PIGN: variants seen among roughly 807,000 people sequenced by gnomAD.
PIGN encodes the protein GPI ethanolamine phosphate transferase 1.
A neutral mutation model predicts 125.4 loss-of-function variants in PIGN; 117 were observed. The ratio of observed to expected loss-of-function variants is 0.93; its 90% CI spans 0.80 to 1.09. PIGN has a LOEUF of 1.09. Ranked by LOEUF, PIGN falls within the 50% of genes least tolerant of loss-of-function variation. The probability of loss-of-function intolerance (pLI) is 0.00; values close to 1 mark genes in which losing one functional copy is unlikely to be tolerated. For missense variants in PIGN, 1,075 were observed against 1,094.9 expected, an observed-to-expected ratio of 0.98 and a Z score of 0.26; for synonymous variants, 392 against 377.8, an observed-to-expected ratio of 1.04 and a Z score of -0.44.
chr18:62,051,006 T>C (rs2031235009), intron 30 of PIGN, among the ~76,000 whole-genome samples: 1 of 151,046 alleles, frequency 6.6e-6, no homozygotes, highest in South Asian at 2.1e-4. Flanking sequence ...ATTACATTTA[T>C]TGATTTGTGT....
intron 17 of PIGN, among the ~76,000 whole-genome samples, chr18:62,109,391 A>T (rs1326715163): frequency 6.6e-6 from 1 of 151,700 alleles, no homozygotes; most frequent in Non-Finnish European, 1.5e-5. Flanking sequence ...AGTTTAATTT[A>T]TCTAGATCTA....
chr18:62,172,111 C>T (rs2037363641), intron 1 of PIGN, among the ~76,000 whole-genome samples: 1 of 152,090 alleles, frequency 6.6e-6, no homozygotes, highest in South Asian at 2.1e-4. Flanking sequence ...AACCATATAT[C>T]CAATGTCTTC....
In PIGN at chr18:62,125,134, G is replaced by A. The variant is rs189145900; in HGVS notation, c.1173-10495C>T. Among the ~76,000 whole-genome samples, 21 of 66,322 alleles carry A rather than the reference G, an allele frequency of 3.2e-4. 2 individuals carry two copies. The highest frequency in any genetic ancestry group is 0.022 in the Middle Eastern group (2 of 90). 43.5% of individuals were successfully genotyped at this position (66,322 alleles called of 152,430 possible). On this transcript the variant is annotated intron_variant, in intron 14 of 30. Coordinates refer to ENST00000640252, the MANE Select transcript of PIGN (RefSeq NM_176787.5). The stretch of plus-strand genomic sequence containing the variant: ...TACATATGTGTATATAAATATACAC[G>A]TTTGTACATATGTGTATATACATGT...
intron 1 of PIGN, chr18:62,184,767 T>G (rs2037837489): frequency 6.6e-6 from 1 of 152,226 alleles, no homozygotes; most frequent in South Asian, 2.1e-4. Context: ...TTTTTCAGGC[T>G]TGCACTGCCA....
chr18:62,169,766 G>C (rs1234182416), intron 1 of PIGN, among the ~76,000 whole-genome samples: 11 of 152,196 alleles, frequency 7.2e-5, no homozygotes, highest in African/African-American at 2.6e-4. Context: ...GACCACAGGT[G>C]AGAGCCAGCA....
At chr18:62,076,455 T>C (rs2033176826) in intron 28 of PIGN, among the ~76,000 whole-genome samples, 1 of 152,146 alleles carries the variant, frequency 6.6e-6, no homozygotes, top group Non-Finnish European at 1.5e-5. Context: ...ACCTATGTTC[T>C]CTTCCTCTTA....
chr18:62,150,189 G>A (rs572418375), intron 7 of PIGN, among the ~76,000 whole-genome samples: 225 of 152,252 alleles, frequency 1.5e-3, no homozygotes, highest in Non-Finnish European at 2.5e-3. Flanking sequence ...TCACCATGTT[G>A]GCTAGGCTGG....
chr18:62,087,106 AGTG>A (rs1480552801), intron 25 of PIGN, among the ~76,000 whole-genome samples: 2 of 152,210 alleles, frequency 1.3e-5, no homozygotes, highest in African/African-American at 4.8e-5. Context: ...TTTGCATAGA[AGTG>A]TCTACCAAAG....
chr18:62,054,527 T>C (rs1405234477), intron 30 of PIGN, among the ~76,000 whole-genome samples: 2 of 147,718 alleles, frequency 1.4e-5, no homozygotes, highest in Admixed American at 1.4e-4. Context: ...GGTCTTGCTC[T>C]GTCACCCAGG....
intron 16 of PIGN, 95 bp from the exon 17 acceptor site, chr18:62,110,068 T>G (rs2146509861): frequency 8.7e-7 from 1 of 1,150,898 alleles, no homozygotes; most frequent in Non-Finnish European, 1.3e-6. Flanking sequence ...ACCTATTACT[T>G]TCTTTCAATG....
chr18:62,085,413 C>T (rs1255873742), intron 25 of PIGN, 149 bp from the exon 26 acceptor site: 2 of 643,642 alleles, frequency 3.1e-6, no homozygotes, highest in African/African-American at 1.8e-5. Flanking sequence ...CATTATAACT[C>T]CTTGTGAATG....
In PIGN at chr18:62,088,764, A is replaced by G. The variant is rs868633067; in HGVS notation, c.2362T>C (p.Phe788Leu). 2 of 1,543,174 alleles carry G rather than the reference A, an allele frequency of 1.3e-6. No individual in the cohort carries two copies. The highest frequency in any genetic ancestry group is 1.8e-6 in the Non-Finnish European group (2 of 1,134,442). The change falls in exon 25 of 31, where the codon TTT becomes CTT. Residue 788 changes from phenylalanine to leucine, a missense_variant. Physicochemically the swap from Phe to Leu is conservative, Grantham distance 22. This residue lies in a region of PIGN where 915 missense variants were observed against 908.7 expected (regional missense o/e 1.01). Coordinates refer to ENST00000640252, the MANE Select transcript of PIGN (RefSeq NM_176787.5). ...GTCTCCACAAAGGATACAAGGAAAA[A>G]GGCCCTACGGATGTCATCCAGATAT... ...QLYLDDIRRA[F>L]FLVFFLVTAF...
At chr18:62,025,333 C>G (rs989102274) in intron 23 of PIGN, among the ~76,000 whole-genome samples, 2 of 152,174 alleles carry the variant, frequency 1.3e-5, no homozygotes, top group African/African-American at 2.4e-5. Context: ...TAGTTCTTCA[C>G]TGAGACAGTT....
intron 30 of PIGN, among the ~76,000 whole-genome samples, chr18:62,064,551 C>A (rs1009032875): frequency 1.1e-4 from 16 of 152,170 alleles, no homozygotes; most frequent in Non-Finnish European, 1.5e-5. Flanking sequence ...CCTAGCTATG[C>A]CACATTATTG....
chr18:62,100,829 G>A (rs1365965184), intron 22 of PIGN, among the ~76,000 whole-genome samples: 2 of 152,130 alleles, frequency 1.3e-5, no homozygotes, highest in Admixed American at 6.5e-5. Flanking sequence ...CTTATGAGAT[G>A]TTAATAAATA....
chr18:62,065,652 T>C (rs1333803780), intron 30 of PIGN, among the ~76,000 whole-genome samples: 2 of 151,752 alleles, frequency 1.3e-5, no homozygotes. Context: ...GGCAGGAGAA[T>C]GGTGTGAACC....
rs373135297 is a variant in PIGN, at chr18:62,093,574, A to C, written c.2180+2274T>G. 5.6e-4 allele frequency among the ~76,000 whole-genome samples: 85 copies of C among 152,256 alleles called. No homozygotes were observed. In the Middle Eastern group the frequency reaches 0.014, roughly 24 times the overall value. ...AATTTCAAAGGGAAATGTTTAACCA[A>C]CTTTAACCAAGAGAACAAACTATTT... is the stretch of plus-strand genomic sequence containing the variant. On this transcript the variant is annotated intron_variant, in intron 23 of 30. Coordinates refer to ENST00000640252, the MANE Select transcript of PIGN (RefSeq NM_176787.5).
intron 1 of PIGN, among the ~76,000 whole-genome samples, chr18:62,185,508 T>C (rs2037887668): frequency 6.6e-6 from 1 of 152,206 alleles, no homozygotes. Flanking sequence ...ATATTGAAAT[T>C]AAAGCCTACT....
intron 20 of PIGN, among the ~76,000 whole-genome samples, chr18:62,103,169 T>C (rs546411000): frequency 6.6e-6 from 1 of 152,292 alleles, no homozygotes; most frequent in South Asian, 2.1e-4. Flanking sequence ...ATCTCTACCT[T>C]GCTTCTATAA....
Sources: allele counts gnomAD v4.1 joint callset (sites outside exome capture counted in the v4.1 genomes callset), GRCh38; gene constraint gnomAD v4.1.1; regional missense constraint gnomAD v4.1.1; transcripts MANE v1.5; gene names NCBI Gene and HGNC (gene_info 2026-07-23, HGNC 2026-07-21).